Variants in ZNF251 observed in about 807,000 individuals in gnomAD.
ZNF251 encodes zinc finger protein 251.
Under a neutral mutation model 13.5 loss-of-function variants are expected in ZNF251, and 14 were observed. The observed-to-expected ratio is 1.04, with a 90% confidence interval of 0.69 to 1.63. The LOEUF (loss-of-function observed/expected upper bound fraction) is 1.63, where lower values mean the gene tolerates loss of function less well. ZNF251 is among the 40% of genes most tolerant of loss of function. The pLI is 0.00. For missense variants in ZNF251, 764 were observed against 834.9 expected, an observed-to-expected ratio of 0.92 and a Z score of 1.05; for synonymous variants, 287 against 295.2, an observed-to-expected ratio of 0.97 and a Z score of 0.28.
At chr8:144,753,882 T>C in intron 3 of ZNF251, 86 bp from the exon 4 acceptor site, 2 of 996,322 alleles carry the variant, frequency 2.0e-6, no homozygotes, top group Non-Finnish European at 2.9e-6. Context: ...TGTGTGCACG[T>C]GTGTACGCCT....
chr8:144,730,930 GAC>G lies in ZNF251; in HGVS notation c.278-7550_278-7549del, dbSNP rs1207587249. 4.4e-4 allele frequency among the ~76,000 whole-genome samples: 67 copies of G among 152,350 alleles called. 1 individual carries two copies. The highest frequency in any genetic ancestry group is 7.3e-4 in the Non-Finnish European group (50 of 68,032). ...ATCTCATGCCATTCAGACACCCAGT[GAC>G]GGTCGTGGGAACCGCCCCCCTCAGA... On this transcript the variant is annotated intron_variant, in intron 4 of 4. Transcript: ENST00000292562.
At chr8:144,754,584 G>A in intron 2 of ZNF251, 112 bp downstream of exon 2, 1 of 1,472,506 alleles carries the variant, frequency 6.8e-7, no homozygotes, top group Non-Finnish European at 9.0e-7. Context: ...CGGTTGCTAT[G>A]AGCCCCTGGC....
chr8:144,748,320 C>T (rs1238500229), intron 4 of ZNF251, among the ~76,000 whole-genome samples: 5 of 151,910 alleles, frequency 3.3e-5, no homozygotes, highest in East Asian at 1.9e-4. Flanking sequence ...GTTATCTGCC[C>T]GCCTCGGCCT....
intron 4 of ZNF251, among the ~76,000 whole-genome samples, chr8:144,736,720 G>A (rs1005736808): frequency 1.3e-5 from 2 of 151,928 alleles, no homozygotes; most frequent in South Asian, 4.1e-4. Context: ...TTGAACTCCC[G>A]ACCTCAGGTG....
In ZNF251 at chr8:144,754,698, G is replaced by A. The variant is rs746487060; in HGVS notation, c.31C>T (p.Gln11Ter). 5.0e-6 allele frequency: 8 copies of A among 1,610,026 alleles called. No individual in the cohort carries two copies. The African/African-American group carries it at 1.1e-4, about 22-fold the overall frequency. Residue 11 changes from glutamine (Q) to a stop codon, truncating the protein, a stop_gained and splice_region_variant, in exon 2 of 5, where the codon CAG becomes TAG. Coordinates refer to ENST00000292562, the MANE Select transcript of ZNF251 (RefSeq NM_138367.2). LOFTEE classifies it high-confidence loss of function. ...GGCAGGAAGGAGGGTTAACTCACCTGGTGCCCTGGAAGCTGGAATGTGGCT... is the reference window on the plus strand; with the variant it reads ...GGCAGGAAGGAGGGTTAACTCACCTAGTGCCCTGGAAGCTGGAATGTGGCT... MAATFQLPGHQEMPLTFQDVA... is the reference protein window; with the variant it reads MAATFQLPGH
intron 4 of ZNF251, among the ~76,000 whole-genome samples, chr8:144,745,059 GGGGGACGGGGAGCGGGA>G (rs774436323): frequency 3.9e-5 from 6 of 152,096 alleles, no homozygotes; most frequent in Non-Finnish European, 7.4e-5. Context: ...TCCATATGGA[GGGGGACGGGGAGCGGGA>G]GGGGAAGGGG....
At chr8:144,729,927 T>C (rs929406937) in intron 4 of ZNF251, 10 of 518,906 alleles carry the variant, frequency 1.9e-5, no homozygotes, top group Middle Eastern at 9.4e-4. Flanking sequence ...TTTTTGTGAC[T>C]ACTCAGATAA....
intron 3 of ZNF251, 49 bp downstream of exon 3, chr8:144,754,143 C>A: frequency 6.3e-7 from 1 of 1,578,150 alleles, no homozygotes; most frequent in Non-Finnish European, 8.6e-7. Context: ...GCCTCCCAAG[C>A]TCCTCAGAGG....
intron 4 of ZNF251, among the ~76,000 whole-genome samples, chr8:144,745,818 G>A (rs1201939023): frequency 6.6e-6 from 1 of 152,070 alleles, no homozygotes; most frequent in Admixed American, 6.6e-5. Context: ...CAAAGTGCTG[G>A]ATTATAGGCA....
chr8:144,754,097 A>G, intron 3 of ZNF251, 95 bp downstream of exon 3: 1 of 1,494,678 alleles, frequency 6.7e-7, no homozygotes, highest in Non-Finnish European at 9.0e-7. Flanking sequence ...GACAAGGGGC[A>G]GGACCCTCTT....
chr8:144,721,510 T>C lies in ZNF251; in HGVS notation c.*134A>G. ...GTGTTTACTTCCAGATTTAATGACTTTGACTTTAGTAGTCATCTGAACTAT... is the reference window on the plus strand; with the variant it reads ...GTGTTTACTTCCAGATTTAATGACTCTGACTTTAGTAGTCATCTGAACTAT... On this transcript the variant is annotated 3_prime_UTR_variant, in exon 5 of 5. Coordinates refer to ENST00000292562, the MANE Select transcript of ZNF251 (RefSeq NM_138367.2). 1 of 935,376 alleles carries C rather than the reference T, an allele frequency of 1.1e-6. No homozygotes were observed. Among genetic ancestry groups the C allele is most frequent in the Non-Finnish European group, 1.4e-6 (1 of 713,520 alleles). The allele number at this position is 935,376 out of a possible 1,614,324, so 57.9% of individuals were successfully genotyped here.
Position 144,748,687 on chromosome 8 carries a change from A to T in ZNF251, c.277+4996T>A, listed in dbSNP as rs1824544509. On this transcript the variant is annotated intron_variant, in intron 4 of 4. Coordinates refer to ENST00000292562, the MANE Select transcript of ZNF251 (RefSeq NM_138367.2). ...GCGATCCTACCACATCAGCCTCTTG[A>T]GTAGCTGAGACTTATAGGTACACAA... 2.0e-5 allele frequency among the ~76,000 whole-genome samples: 3 copies of T among 152,194 alleles called. No individual in the cohort carries two copies. The South Asian group carries it at 6.2e-4, about 32-fold the overall frequency.
chr8:144,725,035 CAG>C (rs1421510682), intron 4 of ZNF251, among the ~76,000 whole-genome samples: 1 of 151,724 alleles, frequency 6.6e-6, no homozygotes, highest in Non-Finnish European at 1.5e-5. Flanking sequence ...TTCTTTGAGA[CAG>C]AGTTTCACTC....
chr8:144,752,220 C>T (rs955501096), intron 4 of ZNF251, among the ~76,000 whole-genome samples: 2 of 150,406 alleles, frequency 1.3e-5, no homozygotes, highest in Non-Finnish European at 3.0e-5. Context: ...TGATATTTAT[C>T]TAACCCCCAA....
At chr8:144,752,923 T>C (rs2130107423) in intron 4 of ZNF251, among the ~76,000 whole-genome samples, 1 of 152,054 alleles carries the variant, frequency 6.6e-6, no homozygotes, top group African/African-American at 2.4e-5. Flanking sequence ...TCAAAGATAA[T>C]ACTTACAGCT....
intron 4 of ZNF251, among the ~76,000 whole-genome samples, chr8:144,730,384 A>C (rs58352056): frequency 0.022 from 2,364 of 105,540 alleles, 35 homozygotes; most frequent in African/African-American, 0.087. Context: ...CTGGCATGTG[A>C]CGCTGCGACG....
chr8:144,738,224 G>A (rs764633961), intron 4 of ZNF251, among the ~76,000 whole-genome samples: 6 of 152,136 alleles, frequency 3.9e-5, no homozygotes, highest in Non-Finnish European at 5.9e-5. Flanking sequence ...ACTCTGCCTC[G>A]TGGAGTCTCA....
At chr8:144,745,077 G>A (rs1228396272) in intron 4 of ZNF251, among the ~76,000 whole-genome samples, 4 of 152,152 alleles carry the variant, frequency 2.6e-5, no homozygotes, top group Non-Finnish European at 4.4e-5. Context: ...GGGAGCGGGA[G>A]GGGAAGGGGA....
chr8:144,741,963 G>GA (rs1224533011), intron 4 of ZNF251, among the ~76,000 whole-genome samples: 5 of 152,178 alleles, frequency 3.3e-5, no homozygotes, highest in African/African-American at 1.2e-4. Flanking sequence ...CAAATTTGAT[G>GA]AAAGACAGAA....
Sources: allele counts gnomAD v4.1 joint callset (sites outside exome capture counted in the v4.1 genomes callset), GRCh38; gene constraint gnomAD v4.1.1; transcripts MANE v1.5; gene names NCBI Gene and HGNC (gene_info 2026-07-23, HGNC 2026-07-21).